The following EPHA6 variants were observed in gnomAD, a reference collection of about 807,000 sequenced individuals.
EPHA6 encodes EPH receptor A6, also known as ephrin type-A receptor 6.
In EPHA6, 50 loss-of-function variants were observed where a neutral mutation model predicts 112.0. The ratio of observed to expected loss-of-function variants is 0.45; its 90% CI spans 0.36 to 0.56. EPHA6 has a LOEUF of 0.56. Among genes scored for constraint, EPHA6 ranks in the 20% least tolerant of loss-of-function variants. The pLI, the probability that EPHA6 is intolerant of heterozygous loss-of-function variation, is 0.00. For missense variants in EPHA6, 1,280 were observed against 1,417.4 expected (o/e 0.90, Z 1.56); for synonymous variants, 529 against 490.7 (o/e 1.08, Z -1.03).
At chr3:97,371,677 T>C (rs2085064871) in intron 5 of EPHA6, among the ~76,000 whole-genome samples, 1 of 152,158 alleles carries the variant, frequency 6.6e-6, no homozygotes, top group Non-Finnish European at 1.5e-5. Flanking sequence ...AACCTTAAAG[T>C]CTGGCTGCCT....
chr3:97,497,104 C>A (rs1178306298), intron 10 of EPHA6, among the ~76,000 whole-genome samples: 1 of 152,150 alleles, frequency 6.6e-6, no homozygotes, highest in Non-Finnish European at 1.5e-5. Context: ...TAACATGGAA[C>A]CCTAGAATGG....
intron 11 of EPHA6, among the ~76,000 whole-genome samples, chr3:97,555,443 C>G (rs1018534764): frequency 6.6e-6 from 1 of 151,952 alleles, no homozygotes; most frequent in Non-Finnish European, 1.5e-5. Context: ...GGGTATATAC[C>G]TAGTAATGGG....
chr3:97,380,796 T>A (rs1204533442), intron 5 of EPHA6, among the ~76,000 whole-genome samples: 2 of 152,158 alleles, frequency 1.3e-5, no homozygotes, highest in Admixed American at 6.6e-5. Flanking sequence ...AGTGAAAAAC[T>A]TTTAATTTCC....
intron 13 of EPHA6, among the ~76,000 whole-genome samples, chr3:97,614,100 A>AT (rs1553837133): frequency 1.3e-5 from 2 of 152,016 alleles, no homozygotes; most frequent in Non-Finnish European, 2.9e-5. Context: ...ATACTTTAAC[A>AT]TTGTTTTTTG....
At chr3:97,075,696 G>A (rs998024857) in intron 3 of EPHA6, among the ~76,000 whole-genome samples, 4 of 144,782 alleles carry the variant, frequency 2.8e-5, no homozygotes, top group Non-Finnish European at 5.9e-5. Context: ...TGTGCTGCTC[G>A]GATACTGCAT....
intron 17 of EPHA6, 50 bp downstream of exon 17, chr3:97,747,622 A>T (rs540374811): frequency 6.7e-7 from 1 of 1,487,708 alleles, no homozygotes; most frequent in Admixed American, 2.1e-5. Context: ...GCTGGGGATT[A>T]TAAGTTCAAA....
intron 2 of EPHA6, among the ~76,000 whole-genome samples, chr3:96,916,012 GT>G (rs2039466921): frequency 2.6e-5 from 4 of 151,998 alleles, no homozygotes; most frequent in Non-Finnish European, 1.5e-5. Flanking sequence ...TTTCAATATG[GT>G]TTTAAATATA....
intron 3 of EPHA6, among the ~76,000 whole-genome samples, chr3:97,196,077 A>T (rs989306117): frequency 6.7e-6 from 1 of 148,696 alleles, no homozygotes; most frequent in Non-Finnish European, 1.5e-5. Context: ...TTCTACCCAG[A>T]TCTCTCTCTC....
intron 2 of EPHA6, among the ~76,000 whole-genome samples, chr3:96,911,718 T>G (rs190177917): frequency 6.6e-6 from 1 of 152,202 alleles, no homozygotes; most frequent in Admixed American, 6.5e-5. Flanking sequence ...AGATAATTGG[T>G]AATACTTTGT....
At chr3:97,191,227 G>A (rs1438332014) in intron 3 of EPHA6, among the ~76,000 whole-genome samples, 1 of 152,016 alleles carries the variant, frequency 6.6e-6, no homozygotes, top group Non-Finnish European at 1.5e-5. Flanking sequence ...GGGTGCATGA[G>A]ATATTTTGAT....
intron 5 of EPHA6, among the ~76,000 whole-genome samples, chr3:97,389,231 T>C (rs2086257249): frequency 6.6e-6 from 1 of 152,142 alleles, no homozygotes; most frequent in South Asian, 2.1e-4. Flanking sequence ...TTAAAGACAG[T>C]AGTAGTGCAT....
chr3:96,983,304 A>G (rs1288007490), intron 2 of EPHA6, among the ~76,000 whole-genome samples: 6 of 152,060 alleles, frequency 3.9e-5, no homozygotes, highest in Admixed American at 6.5e-5. Flanking sequence ...TTTCTCCTTC[A>G]CTTATGAAGC....
At chr3:97,168,617 C>CTG (rs1473864967) in intron 3 of EPHA6, among the ~76,000 whole-genome samples, 3 of 121,326 alleles carry the variant, frequency 2.5e-5, no homozygotes, top group Non-Finnish European at 3.1e-5. Context: ...CTGTCTCTGT[C>CTG]TCTCTCTTTC....
chr3:97,148,855 A>C (rs76861892), intron 3 of EPHA6, among the ~76,000 whole-genome samples: 1,998 of 152,160 alleles, frequency 0.013, 28 homozygotes, highest in African/African-American at 0.045. Context: ...TATATCAGGG[A>C]ACACATTTGA....
At chr3:97,016,490 T>C (rs2044270548) in intron 3 of EPHA6, among the ~76,000 whole-genome samples, 1 of 152,198 alleles carries the variant, frequency 6.6e-6, no homozygotes, top group Non-Finnish European at 1.5e-5. Flanking sequence ...ATAAATTATG[T>C]ATTTACTTTA....
intron 11 of EPHA6, among the ~76,000 whole-genome samples, chr3:97,571,260 A>G (rs2093330135): frequency 6.6e-6 from 1 of 152,142 alleles, no homozygotes; most frequent in Admixed American, 6.5e-5. Context: ...AGAGGGACCA[A>G]TTAGCAGACT....
chr3:97,115,127 A>C (rs2047845895), intron 3 of EPHA6, among the ~76,000 whole-genome samples: 1 of 151,958 alleles, frequency 6.6e-6, no homozygotes, highest in Admixed American at 6.6e-5. Context: ...CCTTAAAATA[A>C]TTTTAGTCTG....
At chr3:97,060,155 G>C (rs191664629) in intron 3 of EPHA6, among the ~76,000 whole-genome samples, 1 of 151,876 alleles carries the variant, frequency 6.6e-6, no homozygotes, top group East Asian at 1.9e-4. Flanking sequence ...CAAACAAAAA[G>C]CTTAATATTT....
At chr3:97,594,086 T>A (rs575878498) in intron 12 of EPHA6, among the ~76,000 whole-genome samples, 1 of 152,306 alleles carries the variant, frequency 6.6e-6, no homozygotes, top group East Asian at 1.9e-4. Context: ...ATCCCAGTGA[T>A]TGGAATTTAG....
Sources: allele counts gnomAD v4.1 joint callset (sites outside exome capture counted in the v4.1 genomes callset), GRCh38; gene constraint gnomAD v4.1.1; transcripts MANE v1.5; gene names NCBI Gene and HGNC (gene_info 2026-07-23, HGNC 2026-07-21).